Variants in BCAT1 observed in about 807,000 individuals in gnomAD.
BCAT1 encodes branched-chain-amino-acid aminotransferase, cytosolic.
A neutral mutation model predicts 52.4 loss-of-function variants in BCAT1; 48 were observed. The observed-to-expected ratio is 0.92, with a 90% CI of 0.73 to 1.16. The LOEUF (loss-of-function observed/expected upper bound fraction) is 1.16, where lower values mean the gene tolerates loss of function less well. BCAT1 is among the 50% of genes most tolerant of loss of function. The pLI, the probability that BCAT1 is intolerant of heterozygous loss-of-function variation, is 0.00. For synonymous variants in BCAT1, 167 were observed against 161.3 expected (o/e 1.04, Z -0.27); for missense variants, 451 against 457.1 (o/e 0.99, Z 0.12).
intron 1 of BCAT1, among the ~76,000 whole-genome samples, chr12:24,905,173 G>A (rs1248131690): frequency 6.6e-6 from 1 of 152,214 alleles, no homozygotes; most frequent in African/African-American, 2.4e-5. Context: ...GGCCAGCCAA[G>A]TAGTGCCTTA....
In BCAT1 at chr12:24,836,578, G is replaced by A. The variant is rs764463109; in HGVS notation, c.836C>T (p.Pro279Leu). The A allele has an allele frequency of 2.5e-6, 4 of 1,612,110 alleles. No individual in the cohort carries two copies. The highest frequency in any genetic ancestry group is 3.4e-6 in the Non-Finnish European group (4 of 1,179,176). Residue 279 changes from proline to leucine, a missense_variant, in exon 8 of 11, where the codon CCT (proline) becomes CTT (leucine). Transcript: ENST00000261192. ...TGGAAGAATGATGCCATCTAGTGGA[G>A]GAGTTGCCAGTTCTTCTTCTGTCAA... ...NEDGEEELAT[P>L]PLDGIILPGV...
At position 24,823,782 on chromosome 12, in the gene BCAT1, G is replaced by A. The variant is rs554790970; in HGVS notation, c.1120-5733C>T. Among the ~76,000 whole-genome samples, 4 of 152,204 alleles carry A rather than the reference G, an allele frequency of 2.6e-5. 1 individual carries two copies. The South Asian group carries it at 8.3e-4, about 32-fold the overall frequency. On this transcript the variant is annotated intron_variant, in intron 10 of 10. Coordinates refer to ENST00000261192, the MANE Select transcript of BCAT1 (RefSeq NM_005504.7). Reference sequence around the variant, plus strand: ...CTGTAAGTTTCCTGAGGCCTCCCCAGCCATGTCTCCTGTATGGCCTGCAGA... The same window carrying A: ...CTGTAAGTTTCCTGAGGCCTCCCCAACCATGTCTCCTGTATGGCCTGCAGA...
chr12:24,895,314 T>A (rs977255908), intron 2 of BCAT1, among the ~76,000 whole-genome samples: 5 of 151,872 alleles, frequency 3.3e-5, no homozygotes, highest in African/African-American at 1.2e-4. Flanking sequence ...ATCACAAGGT[T>A]TGGAGATTGA....
rs1939730801 is a variant in BCAT1, at chr12:24,812,732, C to A, written c.*5276G>T. Reference sequence around the variant, plus strand: ...TTCTTCTCTACCTCCACTTATTCTTCCTCTGATATCATCTTTCATTAAATT... The same window carrying A: ...TTCTTCTCTACCTCCACTTATTCTTACTCTGATATCATCTTTCATTAAATT... On this transcript the variant is annotated 3_prime_UTR_variant, in exon 11 of 11. Coordinates refer to ENST00000261192, the MANE Select transcript of BCAT1 (RefSeq NM_005504.7). 2 of 152,092 alleles carry A rather than the reference C, an allele frequency of 1.3e-5. No individual in the cohort carries two copies. The highest frequency in any genetic ancestry group is 3.4e-3 in the Middle Eastern group (1 of 294). The allele number at this position is 152,092 out of a possible 1,614,324, so 9.4% of individuals were successfully genotyped here.
At chr12:24,835,079 G>T (rs533773041) in intron 8 of BCAT1, among the ~76,000 whole-genome samples, 2 of 152,132 alleles carry the variant, frequency 1.3e-5, no homozygotes, top group Non-Finnish European at 2.9e-5. Flanking sequence ...ACTTGTCGTC[G>T]AACCTTCTGT....
At chr12:24,886,430 T>G (rs1942663736) in intron 3 of BCAT1, among the ~76,000 whole-genome samples, 1 of 152,090 alleles carries the variant, frequency 6.6e-6, no homozygotes, top group Non-Finnish European at 1.5e-5. Flanking sequence ...ATCTGCCAAA[T>G]GGCCAAATCT....
At chr12:24,918,787 C>A (rs1441407030) in intron 1 of BCAT1, among the ~76,000 whole-genome samples, 1 of 152,208 alleles carries the variant, frequency 6.6e-6, no homozygotes, top group African/African-American at 2.4e-5. Flanking sequence ...CTAACACATT[C>A]CTGTCCTGTG....
chr12:24,918,769 C>A (rs762099397), intron 1 of BCAT1, among the ~76,000 whole-genome samples: 8 of 152,320 alleles, frequency 5.3e-5, no homozygotes, highest in African/African-American at 1.9e-4. Flanking sequence ...TGGGAACTGA[C>A]TGGTTTCCTA....
Position 24,922,768 on chromosome 12 carries a change from G to A in BCAT1, c.7-20883C>T, listed in dbSNP as rs545673377. ...GCCTGTAGTCCCAGCTACTCGGGAG[G>A]CTGAGGCAGGAGAATTGCTTGAATC... On this transcript the variant is annotated intron_variant, in intron 1 of 10. Transcript: ENST00000261192. Among the ~76,000 whole-genome samples the A allele has an allele frequency of 2.0e-5, 3 of 152,036 alleles. No individual in the cohort carries two copies. In the East Asian group the frequency reaches 5.8e-4, roughly 29 times the overall value.
intron 1 of BCAT1, among the ~76,000 whole-genome samples, chr12:24,934,338 A>C (rs1479491425): frequency 6.6e-6 from 1 of 152,140 alleles, no homozygotes; most frequent in African/African-American, 2.4e-5. Flanking sequence ...GCCATGATGA[A>C]CTGTAATTCA....
In BCAT1 at chr12:24,815,910, C is replaced by T. The variant is rs1478928045; in HGVS notation, c.*2098G>A. On this transcript the variant is annotated 3_prime_UTR_variant, in exon 11 of 11. Coordinates refer to ENST00000261192, the MANE Select transcript of BCAT1 (RefSeq NM_005504.7). ...ATAGAAATTTAGTTACTATGTACCA[C>T]TAGACAGTTTAAATTACCTGCAACT... 4 of 152,178 alleles carry T rather than the reference C, an allele frequency of 2.6e-5. No individual in the cohort carries two copies. The highest frequency in any genetic ancestry group is 4.4e-5 in the Non-Finnish European group (3 of 68,036). 9.4% of individuals were successfully genotyped at this position (152,178 alleles called of 1,614,324 possible). A position where few individuals can be genotyped will look rare whatever the true frequency, so the allele number is the denominator to read the frequency against.
At chr12:24,828,224 T>C (rs1375451165) in intron 10 of BCAT1, among the ~76,000 whole-genome samples, 1 of 152,264 alleles carries the variant, frequency 6.6e-6, no homozygotes, top group East Asian at 1.9e-4. Context: ...CTCTTGGATA[T>C]TTTTACTAAT....
At chr12:24,824,486 G>T (rs1039944422) in intron 10 of BCAT1, among the ~76,000 whole-genome samples, 5 of 152,028 alleles carry the variant, frequency 3.3e-5, no homozygotes, top group Non-Finnish European at 7.4e-5. Flanking sequence ...GTTTTGTGGA[G>T]ACTGGGTCTT....
intron 5 of BCAT1, among the ~76,000 whole-genome samples, chr12:24,857,377 G>T (rs765489426): frequency 4.6e-5 from 7 of 152,114 alleles, no homozygotes; most frequent in Non-Finnish European, 1.5e-5. Context: ...GTTACTTTTG[G>T]TAAAGTTCAA....
At chr12:24,912,421 G>A (rs1943341843) in intron 1 of BCAT1, among the ~76,000 whole-genome samples, 1 of 152,154 alleles carries the variant, frequency 6.6e-6, no homozygotes, top group Non-Finnish European at 1.5e-5. Flanking sequence ...TCGGGAGGCT[G>A]AGGCAGGAGA....
intron 5 of BCAT1, among the ~76,000 whole-genome samples, chr12:24,869,320 C>T (rs1242173447): frequency 6.6e-6 from 1 of 152,152 alleles, no homozygotes; most frequent in African/African-American, 2.4e-5. Context: ...GACGGTCACA[C>T]CATTCACAGT....
chr12:24,932,367 G>C (rs372833330), intron 1 of BCAT1, among the ~76,000 whole-genome samples: 1 of 152,114 alleles, frequency 6.6e-6, no homozygotes, highest in African/African-American at 2.4e-5. Context: ...ATATGCATGG[G>C]ACACTCTTAC....
chr12:24,832,742 T>C lies in BCAT1; in HGVS notation c.1025A>G (p.Asp342Gly). Residue 342 changes from aspartate (D) to glycine (G), a missense_variant, in exon 9 of 11, where the codon GAT (aspartate) becomes GGT (glycine). Asp to Gly is a moderately conservative substitution (Grantham distance 94). Transcript: ENST00000261192. ...GTACVVCPVS[D>G]ILYKGETIHI... ...TCGTACCTCGCCTTTGTACAGTATATCAGAAACTGGGCAAACAACACAGGC... is the reference window on the plus strand; with the variant it reads ...TCGTACCTCGCCTTTGTACAGTATACCAGAAACTGGGCAAACAACACAGGC... The C allele has an allele frequency of 6.2e-7, 1 of 1,611,172 alleles. No individual in the cohort carries two copies. The highest frequency in any genetic ancestry group is 8.5e-7 in the Non-Finnish European group (1 of 1,178,580).
In BCAT1 at chr12:24,907,642, A is replaced by G. The variant is rs1452663182; in HGVS notation, c.7-5757T>C. On this transcript the variant is annotated intron_variant, in intron 1 of 10. Transcript: ENST00000261192. ...GATATTTCCCCACCCTTGTGAATGC[A>G]CTTTGTATGATACACCCTCCCCACC... Among the ~76,000 whole-genome samples the G allele has an allele frequency of 2.0e-5, 3 of 152,220 alleles. No individual in the cohort carries two copies. The East Asian group carries it at 5.8e-4, about 29-fold the overall frequency.
Sources: gnomAD v4.1 joint callset for allele counts (sites outside exome capture counted in the v4.1 genomes callset) on GRCh38, gnomAD v4.1.1 for gene constraint, MANE v1.5 for transcripts, NCBI Gene and HGNC (gene_info 2026-07-23, HGNC 2026-07-21) for gene names.